Variants in SH3GL2 observed in about 807,000 individuals in gnomAD.
The protein encoded by SH3GL2 is endophilin-A1.
In SH3GL2, 24 loss-of-function variants were observed where a neutral mutation model predicts 46.0. The observed-to-expected ratio is 0.52, with a 90% CI of 0.38 to 0.73. SH3GL2 has a LOEUF of 0.73. SH3GL2 is among the 30% of genes least tolerant of loss of function. The pLI is 0.00. For synonymous variants in SH3GL2, 196 were observed against 147.1 expected (o/e 1.33, Z -2.40); for missense variants, 413 against 424.2 (o/e 0.97, Z 0.23).
intron 1 of SH3GL2, among the ~76,000 whole-genome samples, chr9:17,669,193 G>A (rs1205050447): frequency 6.6e-6 from 1 of 151,994 alleles, no homozygotes; most frequent in Non-Finnish European, 1.5e-5. Context: ...TTTCCCCAGT[G>A]GTAACATCTT....
chr9:17,763,256 G>A (rs1823230429), intron 3 of SH3GL2, among the ~76,000 whole-genome samples: 2 of 152,168 alleles, frequency 1.3e-5, no homozygotes, highest in Non-Finnish European at 2.9e-5. Context: ...CTCTGTTGTA[G>A]GTAGGTGTGG....
At chr9:17,768,983 C>T (rs1343302584) in intron 3 of SH3GL2, among the ~76,000 whole-genome samples, 1 of 152,190 alleles carries the variant, frequency 6.6e-6, no homozygotes, top group Non-Finnish European at 1.5e-5. Flanking sequence ...CTGAGCTAGC[C>T]TTCCTCAAAC....
chr9:17,662,611 G>A (rs887831541), intron 1 of SH3GL2, among the ~76,000 whole-genome samples: 4 of 151,458 alleles, frequency 2.6e-5, no homozygotes, highest in Non-Finnish European at 5.9e-5. Context: ...GTTTGACCCC[G>A]TCTTTTGGCA....
In SH3GL2 at chr9:17,603,579, G is replaced by A. The variant is rs1326581397; in HGVS notation, c.45+24292G>A. On this transcript the variant is annotated intron_variant, in intron 1 of 8. Transcript: ENST00000380607. ...ATGGTTGCATAAAACATGAATACACGGCTGGGCGTGGTGGCTCACTCCTGT... is the reference window on the plus strand; with the variant it reads ...ATGGTTGCATAAAACATGAATACACAGCTGGGCGTGGTGGCTCACTCCTGT... Among the ~76,000 whole-genome samples the A allele has an allele frequency of 2.6e-5, 4 of 152,062 alleles. No individual in the cohort carries two copies. In the South Asian group the frequency reaches 6.2e-4, roughly 24 times the overall value.
intron 3 of SH3GL2, among the ~76,000 whole-genome samples, chr9:17,771,220 C>G (rs775275495): frequency 2.6e-5 from 4 of 152,170 alleles, no homozygotes; most frequent in Non-Finnish European, 4.4e-5. Flanking sequence ...GAACACCTGT[C>G]ACTGTCTTTT....
At position 17,765,738 on chromosome 9, in the gene SH3GL2, C is replaced by T. The variant is rs538382599; in HGVS notation, c.187+4229C>T. On this transcript the variant is annotated intron_variant, in intron 3 of 8. Transcript: ENST00000380607. ...ATTAGGTTCCCCTGTCACTGTCCCTCTTGTAATCCCAGCTGCTTTTCAGTG... is the reference window on the plus strand; with the variant it reads ...ATTAGGTTCCCCTGTCACTGTCCCTTTTGTAATCCCAGCTGCTTTTCAGTG... Among the ~76,000 whole-genome samples, 19 of 152,276 alleles carry T rather than the reference C, an allele frequency of 1.2e-4. No individual in the cohort carries two copies. The South Asian group carries it at 3.9e-3, about 32-fold the overall frequency.
intron 1 of SH3GL2, among the ~76,000 whole-genome samples, chr9:17,716,571 C>T (rs938840236): frequency 6.6e-6 from 1 of 152,134 alleles, no homozygotes; most frequent in African/African-American, 2.4e-5. Context: ...ACTGTTCCCT[C>T]TACTGTTTTT....
chr9:17,653,388 A>G (rs1820000079), intron 1 of SH3GL2, among the ~76,000 whole-genome samples: 1 of 152,132 alleles, frequency 6.6e-6, no homozygotes, highest in Admixed American at 6.5e-5. Context: ...TAATACTTCT[A>G]GCCTCCAGAT....
intron 7 of SH3GL2, among the ~76,000 whole-genome samples, chr9:17,793,049 A>ATTC (rs1824179504): frequency 4.6e-5 from 7 of 152,184 alleles, no homozygotes; most frequent in African/African-American, 1.7e-4. Flanking sequence ...TGTGTACAAG[A>ATTC]ACTGTGTTTT....
intron 1 of SH3GL2, among the ~76,000 whole-genome samples, chr9:17,679,998 A>G (rs1245304425): frequency 3.9e-5 from 6 of 152,124 alleles, no homozygotes; most frequent in Middle Eastern, 3.2e-3. Flanking sequence ...CGTGGTGGAT[A>G]AGCTTTTTGA....
intron 1 of SH3GL2, among the ~76,000 whole-genome samples, chr9:17,592,151 A>T (rs1235614210): frequency 3.9e-5 from 6 of 152,154 alleles, no homozygotes; most frequent in Non-Finnish European, 8.8e-5. Flanking sequence ...GTAAGCCCCA[A>T]CCCCAAAGTC....
Position 17,739,765 on chromosome 9 carries a change from T to A in SH3GL2, c.46-7301T>A, listed in dbSNP as rs541605380. ...CTGAAAGCTCTGCATGATCCCTCTA[T>A]TATAAATTTTTCCAACTCCTTTTGA... On this transcript the variant is annotated intron_variant, in intron 1 of 8. Coordinates refer to ENST00000380607, the MANE Select transcript of SH3GL2 (RefSeq NM_003026.5). 2.0e-5 allele frequency among the ~76,000 whole-genome samples: 3 copies of A among 152,326 alleles called. No individual in the cohort carries two copies. In the South Asian group the frequency reaches 6.2e-4, roughly 32 times the overall value.
chr9:17,689,435 A>C (rs1370668864), intron 1 of SH3GL2, among the ~76,000 whole-genome samples: 2 of 152,140 alleles, frequency 1.3e-5, no homozygotes, highest in Admixed American at 6.6e-5. Flanking sequence ...TGACTCGTCA[A>C]TTGTAACAAA....
chr9:17,594,495 G>A (rs1399846182), intron 1 of SH3GL2, among the ~76,000 whole-genome samples: 2 of 151,812 alleles, frequency 1.3e-5, no homozygotes, highest in Non-Finnish European at 2.9e-5. Context: ...TATGGGGCGG[G>A]GGTGGGAGAG....
chr9:17,633,564 C>CT (rs1461216975), intron 1 of SH3GL2, among the ~76,000 whole-genome samples: 2 of 152,066 alleles, frequency 1.3e-5, no homozygotes, highest in African/African-American at 4.8e-5. Flanking sequence ...ATTTCTTTTT[C>CT]TTTTTTGCAC....
At chr9:17,606,826 TG>T (rs1818768965) in intron 1 of SH3GL2, among the ~76,000 whole-genome samples, 1 of 152,152 alleles carries the variant, frequency 6.6e-6, no homozygotes, top group South Asian at 2.1e-4. Context: ...AAATTCAAGA[TG>T]TATTTTGGCT....
chr9:17,673,234 G>T (rs1324228958), intron 1 of SH3GL2, among the ~76,000 whole-genome samples: 1 of 151,678 alleles, frequency 6.6e-6, no homozygotes, highest in African/African-American at 2.4e-5. Flanking sequence ...CTGCAGCCTT[G>T]ACCTCCTGGG....
chr9:17,704,431 A>G (rs1588257429), intron 1 of SH3GL2, among the ~76,000 whole-genome samples: 3 of 90,114 alleles, frequency 3.3e-5, no homozygotes, highest in East Asian at 5.1e-4. Context: ...ACAGAATTAG[A>G]AAAAAAAAAT....
intron 1 of SH3GL2, among the ~76,000 whole-genome samples, chr9:17,654,211 A>T (rs926178928): frequency 6.6e-6 from 1 of 152,116 alleles, no homozygotes. Context: ...CTCTCCACTG[A>T]CCACTCCTGT....
Sources: gnomAD v4.1 joint callset for allele counts (sites outside exome capture counted in the v4.1 genomes callset) on GRCh38, gnomAD v4.1.1 for gene constraint, MANE v1.5 for transcripts, NCBI Gene and HGNC (gene_info 2026-07-23, HGNC 2026-07-21) for gene names.